The following EEA1 variants were observed in gnomAD, a reference collection of about 807,000 sequenced individuals.
EEA1 encodes early endosome antigen 1.
EEA1 carries 111 observed loss-of-function variants against 209.2 expected under a neutral mutation model. The ratio of observed to expected loss-of-function variants is 0.53; its 90% CI spans 0.45 to 0.62. The LOEUF (loss-of-function observed/expected upper bound fraction) is 0.62. Ranked by LOEUF, EEA1 falls within the 20% of genes least tolerant of loss-of-function variation. The pLI is 0.00. For missense variants in EEA1, 1,343 were observed against 1,530.8 expected (o/e 0.88, Z 2.05); for synonymous variants, 536 against 540.6 (o/e 0.99, Z 0.12).
At chr12:92,895,945 G>T (rs1034903320) in intron 1 of EEA1, among the ~76,000 whole-genome samples, 6 of 151,946 alleles carry the variant, frequency 3.9e-5, no homozygotes, top group African/African-American at 1.2e-4. Flanking sequence ...AGAATTAAAA[G>T]TGGAGCCTGA....
chr12:92,788,137 T>C, intron 21 of EEA1, 88 bp from the exon 22 acceptor site: 6 of 1,159,708 alleles, frequency 5.2e-6, no homozygotes, highest in Non-Finnish European at 6.9e-6. Flanking sequence ...TAGAAGAAAA[T>C]TCCAAACAAT....
intron 1 of EEA1, among the ~76,000 whole-genome samples, chr12:92,910,474 A>T (rs1316588058): frequency 2.0e-5 from 3 of 151,674 alleles, no homozygotes; most frequent in Non-Finnish European, 4.4e-5. Flanking sequence ...ATCTCAAAAA[A>T]AAATAAATAA....
chr12:92,835,172 C>T (rs12315629), intron 10 of EEA1, among the ~76,000 whole-genome samples: 211 of 152,154 alleles, frequency 1.4e-3, no homozygotes, highest in African/African-American at 4.8e-3. Context: ...TGAGCCACCG[C>T]GCCTGGCCAG....
intron 1 of EEA1, among the ~76,000 whole-genome samples, chr12:92,918,566 T>TA (rs1880863570): frequency 8.3e-6 from 1 of 120,746 alleles, no homozygotes; most frequent in Non-Finnish European, 1.7e-5. Flanking sequence ...AGACACAACA[T>TA]ACCAGAATCT....
intron 1 of EEA1, among the ~76,000 whole-genome samples, chr12:92,928,820 G>A (rs1473644591): frequency 1.3e-5 from 2 of 151,028 alleles, no homozygotes; most frequent in Non-Finnish European, 3.0e-5. Context: ...GCGGGCGCCA[G>A]GCCTGGACGC....
chr12:92,921,760 A>G (rs1442309095), intron 1 of EEA1, among the ~76,000 whole-genome samples: 31 of 71,152 alleles, frequency 4.4e-4, no homozygotes, highest in Non-Finnish European at 1.0e-3. Flanking sequence ...AAAAAAAAAG[A>G]AAAAAAAAAA....
intron 9 of EEA1, among the ~76,000 whole-genome samples, chr12:92,849,902 G>C (rs939033033): frequency 6.6e-6 from 1 of 152,074 alleles, no homozygotes; most frequent in Non-Finnish European, 1.5e-5. Flanking sequence ...CTTTACATAA[G>C]GGAGCTTAAA....
intron 2 of EEA1, among the ~76,000 whole-genome samples, chr12:92,872,177 T>A (rs933702124): frequency 6.6e-6 from 1 of 151,850 alleles, no homozygotes; most frequent in Admixed American, 6.6e-5. Flanking sequence ...GCCTCCTGAG[T>A]AGCTGAGACT....
intron 26 of EEA1, 121 bp downstream of exon 26, chr12:92,777,820 A>G: frequency 8.1e-7 from 1 of 1,234,742 alleles, no homozygotes; most frequent in Non-Finnish European, 1.1e-6. Flanking sequence ...ATGGCTACTT[A>G]AATACCTATA....
intron 3 of EEA1, chr12:92,858,396 G>A (rs768446645): frequency 5.2e-6 from 6 of 1,144,558 alleles, no homozygotes; most frequent in Non-Finnish European, 7.9e-6. Flanking sequence ...GACTTGTAAT[G>A]TGCTGGTAGC....
At chr12:92,836,011 T>C (rs1461594031) in intron 10 of EEA1, among the ~76,000 whole-genome samples, 1 of 152,198 alleles carries the variant, frequency 6.6e-6, no homozygotes, top group African/African-American at 2.4e-5. Context: ...ACATGGTTTT[T>C]GAAGAGTGAC....
chr12:92,843,618 T>TG (rs1877266507), intron 9 of EEA1, among the ~76,000 whole-genome samples: 1 of 152,318 alleles, frequency 6.6e-6, no homozygotes, highest in East Asian at 1.9e-4. Context: ...GTATTTTTTT[T>TG]TAAGTATGGT....
chr12:92,801,544 A>C lies in EEA1; in HGVS notation c.2772+56T>G, dbSNP rs11106704. ...AACATGCTTTATATATTTATTTGAA[A>C]ATATAAAGACCTTACTATACTTTAC... On this transcript the variant is annotated intron_variant, in intron 20 of 28. Coordinates refer to ENST00000322349, the MANE Select transcript of EEA1 (RefSeq NM_003566.4). The C allele has an allele frequency of 3.1e-4, 352 of 1,138,160 alleles. No individual in the cohort carries two copies. The African/African-American group carries it at 5.0e-3, about 16-fold the overall frequency. The allele number at this position is 1,138,160 out of a possible 1,614,324, so 70.5% of individuals were successfully genotyped here. A position where few individuals can be genotyped will look rare whatever the true frequency, so the allele number is the denominator to read the frequency against.
intron 3 of EEA1, chr12:92,858,089 G>A: frequency 2.1e-6 from 1 of 481,380 alleles, no homozygotes; most frequent in Non-Finnish European, 3.9e-6. Context: ...ACATGAACGG[G>A]AGCTCAACAG....
intron 11 of EEA1, among the ~76,000 whole-genome samples, chr12:92,830,493 G>C (rs558094420): frequency 6.6e-6 from 1 of 152,084 alleles, no homozygotes; most frequent in Admixed American, 6.5e-5. Flanking sequence ...TTGCTATAAG[G>C]AGCATGATCT....
chr12:92,891,187 A>ATTTATATTTAATATAATGTC lies in EEA1; in HGVS notation c.117+422_117+441dup, dbSNP rs533548660. On this transcript the variant is annotated intron_variant, in intron 2 of 28. Coordinates refer to ENST00000322349, the MANE Select transcript of EEA1 (RefSeq NM_003566.4). ...AATTTCTTCATTTTTAATATAATGT[A>ATTTATATTTAATATAATGTC]TTTATATTTAATATAATGTCTTTAA... is the stretch of plus-strand genomic sequence containing the variant. Among the ~76,000 whole-genome samples the ATTTATATTTAATATAATGTC allele has an allele frequency of 7.9e-3, 1,199 of 152,040 alleles. 24 individuals are homozygous for ATTTATATTTAATATAATGTC. The highest frequency in any genetic ancestry group is 0.027 in the African/African-American group (1,105 of 41,490).
intron 2 of EEA1, among the ~76,000 whole-genome samples, chr12:92,865,783 T>C (rs1878358614): frequency 6.6e-6 from 1 of 151,680 alleles, no homozygotes; most frequent in African/African-American, 2.4e-5. Flanking sequence ...TCTCGCTCCG[T>C]CACCCAGGCT....
rs1337277964 is a variant in EEA1, at chr12:92,775,515, A to G, written c.*496T>C. ...ACCATGAACCCACATATAAGAGAAA[A>G]AGGCAGAGGAAAGTGTTACAGTTCT... is the stretch of plus-strand genomic sequence containing the variant. On this transcript the variant is annotated 3_prime_UTR_variant, in exon 29 of 29. Coordinates refer to ENST00000322349, the MANE Select transcript of EEA1 (RefSeq NM_003566.4). 6.6e-6 allele frequency: 1 copy of G among 152,204 alleles called. No homozygotes were observed. Among genetic ancestry groups the G allele is most frequent in the African/African-American group, 2.4e-5 (1 of 41,410 alleles). 9.4% of individuals were successfully genotyped at this position (152,204 alleles called of 1,614,324 possible).
intron 22 of EEA1, among the ~76,000 whole-genome samples, chr12:92,785,999 C>T (rs1277257985): frequency 6.6e-6 from 1 of 152,132 alleles, no homozygotes; most frequent in Non-Finnish European, 1.5e-5. Context: ...AATGTTGGTT[C>T]CTGTTACTAG....
Sources: allele counts gnomAD v4.1 joint callset (sites outside exome capture counted in the v4.1 genomes callset), GRCh38; gene constraint gnomAD v4.1.1; transcripts MANE v1.5; gene names NCBI Gene and HGNC (gene_info 2026-07-23, HGNC 2026-07-21).